GRM7: variants seen among roughly 807,000 people sequenced by gnomAD.
GRM7 encodes the protein metabotropic glutamate receptor 7.
GRM7 carries 35 observed loss-of-function variants against 84.5 expected under a neutral mutation model. The ratio of observed to expected loss-of-function variants is 0.41; its 90% CI spans 0.32 to 0.55. GRM7 has a LOEUF of 0.55. GRM7 is among the 20% of genes least tolerant of loss of function. The pLI, the probability that GRM7 is intolerant of heterozygous loss-of-function variation, is 0.19. For synonymous variants in GRM7, 487 were observed against 455.1 expected (o/e 1.07, Z -0.89); for missense variants, 1,003 against 1,194.6 (o/e 0.84, Z 2.36).
intron 4 of GRM7, among the ~76,000 whole-genome samples, chr3:7,348,445 A>G (rs1692988152): frequency 6.6e-6 from 1 of 152,120 alleles, no homozygotes; most frequent in Admixed American, 6.6e-5. Context: ...CTCAAGTACC[A>G]GTTAAATGCT....
At chr3:7,681,163 T>C (rs1462596979) in intron 9 of GRM7, 1 of 152,220 alleles carries the variant, frequency 6.6e-6, no homozygotes. Flanking sequence ...TTTCCAGGAA[T>C]ATTTTGGCTA....
Position 6,933,753 on chromosome 3 carries a change from C to A in GRM7, c.519+71846C>A, listed in dbSNP as rs1008328032. Among the ~76,000 whole-genome samples, 174 of 141,006 alleles carry A rather than the reference C, an allele frequency of 1.2e-3. 1 individual carries two copies. The highest frequency in any genetic ancestry group is 3.8e-3 in the Middle Eastern group (1 of 264). The allele number at this position is 141,006 out of a possible 152,430, so 92.5% of individuals were successfully genotyped here. ...AAGAAAATTAAAAAAAAAAACAAAACAAAACATTGCCAGTTATTCTGAGTC... is the reference window on the plus strand; with the variant it reads ...AAGAAAATTAAAAAAAAAAACAAAAAAAAACATTGCCAGTTATTCTGAGTC... On this transcript the variant is annotated intron_variant, in intron 1 of 9. Transcript: ENST00000357716.
intron 4 of GRM7, 72 bp downstream of exon 4, chr3:7,306,724 T>G: frequency 7.6e-7 from 1 of 1,324,306 alleles, no homozygotes; most frequent in South Asian, 1.5e-5. Flanking sequence ...AGCATGTGAC[T>G]TTTTAGGGGT....
At chr3:7,088,747 G>C (rs1479414045) in intron 1 of GRM7, among the ~76,000 whole-genome samples, 2 of 130,912 alleles carry the variant, frequency 1.5e-5, no homozygotes, top group African/African-American at 6.4e-5. Context: ...TAAGAGGCTT[G>C]TGTGACAGTG....
chr3:7,086,015 A>G (rs1176719648), intron 1 of GRM7, among the ~76,000 whole-genome samples: 3 of 150,440 alleles, frequency 2.0e-5, no homozygotes, highest in Non-Finnish European at 4.4e-5. Flanking sequence ...TAAGGACAGT[A>G]AAAGTTCTTT....
At chr3:7,212,125 A>G (rs1696450844) in intron 2 of GRM7, among the ~76,000 whole-genome samples, 1 of 151,732 alleles carries the variant, frequency 6.6e-6, no homozygotes, top group African/African-American at 2.4e-5. Context: ...ATATGTCAAA[A>G]ATAGTATTAA....
intron 4 of GRM7, among the ~76,000 whole-genome samples, chr3:7,405,313 A>C (rs530474421): frequency 6.6e-6 from 1 of 152,274 alleles, no homozygotes; most frequent in African/African-American, 2.4e-5. Context: ...CAGGTTTGTT[A>C]AGACTGAGTA....
chr3:6,874,548 G>A (rs189590438), intron 1 of GRM7, among the ~76,000 whole-genome samples: 2 of 152,262 alleles, frequency 1.3e-5, no homozygotes, highest in Non-Finnish European at 2.9e-5. Context: ...TCCCACTCGG[G>A]TAGGAAAAAT....
At chr3:7,358,306 A>C (rs570690365) in intron 4 of GRM7, among the ~76,000 whole-genome samples, 3 of 152,264 alleles carry the variant, frequency 2.0e-5, no homozygotes, top group African/African-American at 7.2e-5. Flanking sequence ...CTAAATTACA[A>C]AAATCCAGTT....
chr3:7,527,826 T>A (rs993038751), intron 7 of GRM7, among the ~76,000 whole-genome samples: 1 of 152,092 alleles, frequency 6.6e-6, no homozygotes, highest in Non-Finnish European at 1.5e-5. Flanking sequence ...TTAAATCACA[T>A]TTATTGACTT....
At chr3:6,992,160 A>G (rs1475823614) in intron 1 of GRM7, among the ~76,000 whole-genome samples, 1 of 152,146 alleles carries the variant, frequency 6.6e-6, no homozygotes, top group Admixed American at 6.5e-5. Flanking sequence ...TGTCCAGGAA[A>G]ATGACTCTTA....
In GRM7 at chr3:7,640,354, G is replaced by C. The variant is rs534403335; in HGVS notation, c.2452-39695G>C. The stretch of plus-strand genomic sequence containing the variant: ...AGAGAAAGACAGTGCAATATCTATG[G>C]CACTTTATATTCTGTGAGAATTAAT... On this transcript the variant is annotated intron_variant, in intron 8 of 9. Transcript: ENST00000357716. 6.4e-4 allele frequency among the ~76,000 whole-genome samples: 97 copies of C among 152,284 alleles called. 1 individual carries two copies. In the Middle Eastern group the frequency reaches 0.02, roughly 32 times the overall value.
At chr3:7,494,072 A>G (rs1355704513) in intron 7 of GRM7, among the ~76,000 whole-genome samples, 1 of 152,090 alleles carries the variant, frequency 6.6e-6, no homozygotes, top group East Asian at 1.9e-4. Flanking sequence ...TTATGTGCCC[A>G]TATTTCTACT....
intron 2 of GRM7, among the ~76,000 whole-genome samples, chr3:7,174,094 G>A (rs1009141101): frequency 6.6e-6 from 1 of 152,166 alleles, no homozygotes; most frequent in Admixed American, 6.5e-5. Context: ...ATTTTGAAGG[G>A]TGGCTAGTTT....
chr3:7,348,110 T>C (rs12637830), intron 4 of GRM7, among the ~76,000 whole-genome samples: 15,635 of 152,198 alleles, frequency 0.1, 1,042 homozygotes, highest in East Asian at 0.28. Flanking sequence ...TCCGTGTCCT[T>C]AGCCCTCAAA....
chr3:7,169,850 A>G (rs952518604), intron 2 of GRM7, among the ~76,000 whole-genome samples: 2 of 152,356 alleles, frequency 1.3e-5, no homozygotes, highest in South Asian at 4.1e-4. Context: ...AATAGTTCCC[A>G]TAAGAAGCTC....
intron 1 of GRM7, among the ~76,000 whole-genome samples, chr3:7,005,382 T>C (rs1404807166): frequency 6.6e-6 from 1 of 152,212 alleles, no homozygotes; most frequent in Admixed American, 6.5e-5. Flanking sequence ...TCATATCACA[T>C]GAATAACATT....
chr3:7,726,650 T>G, intron 9 of GRM7, among the ~76,000 whole-genome samples: 1 of 106,536 alleles, frequency 9.4e-6, no homozygotes, highest in Non-Finnish European at 2.0e-5. Flanking sequence ...TATATATATA[T>G]ATATATATAT....
At chr3:7,297,943 C>A (rs1438280004) in intron 2 of GRM7, among the ~76,000 whole-genome samples, 3 of 152,170 alleles carry the variant, frequency 2.0e-5, no homozygotes, top group Non-Finnish European at 4.4e-5. Flanking sequence ...GCATGTTTCT[C>A]CATCTTGAAA....
Sources: gnomAD v4.1 joint callset for allele counts (sites outside exome capture counted in the v4.1 genomes callset) on GRCh38, gnomAD v4.1.1 for gene constraint, MANE v1.5 for transcripts, NCBI Gene and HGNC (gene_info 2026-07-23, HGNC 2026-07-21) for gene names.